The following TMEM106B variants were observed in gnomAD, a reference collection of about 807,000 sequenced individuals.
The protein encoded by TMEM106B is transmembrane protein 106B.
In TMEM106B, 15 loss-of-function variants were observed where a neutral mutation model predicts 31.1. The ratio of observed to expected loss-of-function variants is 0.48; its 90% confidence interval spans 0.32 to 0.74. The LOEUF is 0.74. Among genes scored for constraint, TMEM106B ranks in the 30% least tolerant of loss-of-function variants. TMEM106B has a pLI of 0.03. For synonymous variants in TMEM106B, 126 were observed against 112.5 expected (o/e 1.12, Z -0.76); for missense variants, 283 against 327.3 (o/e 0.86, Z 1.04).
intron 6 of TMEM106B, 40 bp downstream of exon 6, chr7:12,230,478 T>A: frequency 1.5e-6 from 2 of 1,305,810 alleles, no homozygotes; most frequent in Non-Finnish European, 2.2e-6. Context: ...TGTCAAATAA[T>A]GAAGTGTATA....
chr7:12,226,202 G>C (rs1781898252), intron 4 of TMEM106B, among the ~76,000 whole-genome samples: 4 of 152,112 alleles, frequency 2.6e-5, no homozygotes, highest in African/African-American at 9.7e-5. Context: ...TATTATTTCT[G>C]AGGGCTGTGT....
At position 12,226,942 on chromosome 7, in the gene TMEM106B, T is replaced by C. The variant is rs557375183; in HGVS notation, c.441+2557T>C. ...ACACTGTTTAAAACATTGGCCAGAC[T>C]TTTTTTGGCCTACCTCCAAAGACTT... On this transcript the variant is annotated intron_variant, in intron 4 of 7. Transcript: ENST00000396668. Among the ~76,000 whole-genome samples, 3 of 152,128 alleles carry C rather than the reference T, an allele frequency of 2.0e-5. No individual in the cohort carries two copies. In the East Asian group the frequency reaches 5.8e-4, roughly 29 times the overall value.
chr7:12,234,523 C>T lies in TMEM106B; in HGVS notation c.*2548C>T, dbSNP rs1782090905. ...CATTCAGGTGAAGCAGAAGTATAGC[C>T]ATAAAACATCTAGAAAGAGTGAATG... On this transcript the variant is annotated 3_prime_UTR_variant, in exon 8 of 8. Transcript: ENST00000396668. 1 of 151,802 alleles carries T rather than the reference C, an allele frequency of 6.6e-6. No individual in the cohort carries two copies. Among genetic ancestry groups the T allele is most frequent in the African/African-American group, 2.4e-5 (1 of 41,416 alleles). 9.4% of individuals were successfully genotyped at this position (151,802 alleles called of 1,614,324 possible). A position where few individuals can be genotyped will look rare whatever the true frequency, so the allele number is the denominator to read the frequency against.
intron 3 of TMEM106B, among the ~76,000 whole-genome samples, chr7:12,223,613 G>C (rs912164688): frequency 1.3e-5 from 2 of 151,972 alleles, no homozygotes; most frequent in Non-Finnish European, 2.9e-5. Context: ...ATGTGCGTTT[G>C]TATGAAGCTC....
In TMEM106B at chr7:12,213,409, G is replaced by A. The variant is rs563442098; in HGVS notation, c.-2-1400G>A. ...GAGTGGTGATTGTATTTATCACAAA[G>A]GTGCGTGAATTTTCAGAGGCTGAAA... On this transcript the variant is annotated intron_variant, in intron 1 of 7. Coordinates refer to ENST00000396668, the MANE Select transcript of TMEM106B (RefSeq NM_001134232.2). 1.7e-3 allele frequency among the ~76,000 whole-genome samples: 257 copies of A among 152,284 alleles called. 11 individuals are homozygous for A. In the South Asian group the frequency reaches 0.052, roughly 31 times the overall value.
chr7:12,238,577 A>G lies in TMEM106B; in HGVS notation c.*6602A>G, dbSNP rs1262293002. ...AGAGGAATCACTACCTATGACAGCT[A>G]TGGTCTTACAAAATGTATTTCTTAT... On this transcript the variant is annotated 3_prime_UTR_variant, in exon 8 of 8. Transcript: ENST00000396668. 2.6e-5 allele frequency: 4 copies of G among 152,212 alleles called. No homozygotes were observed. The highest frequency in any genetic ancestry group is 4.8e-5 in the African/African-American group (2 of 41,448). The allele number at this position is 152,212 out of a possible 1,614,324, so 9.4% of individuals were successfully genotyped here.
chr7:12,231,906 C>T lies in TMEM106B; in HGVS notation c.756C>T (p.Asp252=), dbSNP rs760912150. 1 of 1,612,548 alleles carries T rather than the reference C, an allele frequency of 6.2e-7. No individual in the cohort carries two copies. The highest frequency in any genetic ancestry group is 8.5e-7 in the Non-Finnish European group (1 of 1,178,962). The change falls in exon 8 of 8, where the codon GAC becomes GAT. Residue 252 remains aspartate (D), a synonymous_variant. Transcript: ENST00000396668. ...CCCAGGAGAGGTATCAGTATGTCGA[C>T]TGTGGAAGAAACACAACTTATCAGT... ...QISQERYQYV[D]CGRNTTYQLG...
intron 7 of TMEM106B, chr7:12,231,527 T>C (rs1430838661): frequency 7.8e-6 from 2 of 255,816 alleles, no homozygotes; most frequent in South Asian, 2.5e-4. Flanking sequence ...TTGATTAACC[T>C]TTTTTTCTAT....
At chr7:12,216,335 T>G (rs188947448) in intron 2 of TMEM106B, among the ~76,000 whole-genome samples, 344 of 151,246 alleles carry the variant, frequency 2.3e-3, no homozygotes, top group Admixed American at 3.8e-3. Context: ...TTTGGGGGGG[T>G]TTGTTTGAGC....
intron 3 of TMEM106B, among the ~76,000 whole-genome samples, chr7:12,223,032 C>CA (rs1457521097): frequency 4.0e-4 from 60 of 151,674 alleles, no homozygotes; most frequent in Non-Finnish European, 8.3e-4. Context: ...GACTCAAAAA[C>CA]AAAAAAAGGA....
intron 3 of TMEM106B, among the ~76,000 whole-genome samples, chr7:12,222,019 C>A (rs968118161): frequency 4.6e-5 from 7 of 152,126 alleles, no homozygotes; most frequent in African/African-American, 1.7e-4. Flanking sequence ...TATTTCTTTA[C>A]AAATTGAGTG....
intron 3 of TMEM106B, among the ~76,000 whole-genome samples, chr7:12,221,420 G>T (rs541021294): frequency 6.6e-6 from 1 of 152,204 alleles, no homozygotes; most frequent in Non-Finnish European, 1.5e-5. Flanking sequence ...ATGCCTTAGG[G>T]AGCAAGAGTT....
intron 4 of TMEM106B, among the ~76,000 whole-genome samples, chr7:12,226,993 G>T (rs956204114): frequency 2.6e-5 from 4 of 152,002 alleles, no homozygotes; most frequent in African/African-American, 9.6e-5. Flanking sequence ...ACATAAATAT[G>T]TACTAATAAA....
chr7:12,217,978 T>C (rs1303836717), intron 2 of TMEM106B, among the ~76,000 whole-genome samples: 1 of 152,118 alleles, frequency 6.6e-6, no homozygotes, highest in Non-Finnish European at 1.5e-5. Flanking sequence ...TAGGGGGCTC[T>C]TAAAGCTTGA....
Position 12,229,793 on chromosome 7 carries a change from A to G in TMEM106B, c.556A>G (p.Ile186Val). The G allele has an allele frequency of 3.1e-6, 5 of 1,607,484 alleles. No individual in the cohort carries two copies. Among genetic ancestry groups the G allele is most frequent in the Non-Finnish European group, 3.4e-6 (4 of 1,178,198 alleles). ...IGKARLNNIT[I>V]IGPLDMKQID... ...AAAGGCACGCTTAAACAACATAACCATTATTGGTCCACTTGATATGAAACA... is the reference window on the plus strand; with the variant it reads ...AAAGGCACGCTTAAACAACATAACCGTTATTGGTCCACTTGATATGAAACA... Residue 186 changes from isoleucine to valine, a missense_variant, in exon 5 of 8, where the codon ATT (isoleucine) becomes GTT (valine). By Grantham distance (29) the Ile-to-Val change is conservative. Coordinates refer to ENST00000396668, the MANE Select transcript of TMEM106B (RefSeq NM_001134232.2).
chr7:12,214,967 T>A lies in TMEM106B; in HGVS notation c.157T>A (p.Phe53Ile). The stretch of plus-strand genomic sequence containing the variant: ...TGTCTCTCAGTTTCCATATGTGGAA[T>A]TTACAGGAAGAGATAGTGTCACCTG... ...GDVSQFPYVEFTGRDSVTCPT... is the reference protein window; with the variant it reads ...GDVSQFPYVEITGRDSVTCPT... The change falls in exon 2 of 8, where the codon TTT (phenylalanine) becomes ATT (isoleucine). Residue 53 changes from phenylalanine (F) to isoleucine (I), a missense_variant. Around this residue, in one of 3 missense-constraint regions of TMEM106B, gnomAD observed 77 missense variants for 89.4 expected, o/e 0.86. Transcript: ENST00000396668. 6.2e-7 allele frequency: 1 copy of A among 1,614,054 alleles called. No individual in the cohort carries two copies. The highest frequency in any genetic ancestry group is 8.5e-7 in the Non-Finnish European group (1 of 1,179,976).
rs1251853851 is a variant in TMEM106B, at chr7:12,236,036, T to G, written c.*4061T>G. 6.6e-6 allele frequency: 1 copy of G among 151,856 alleles called. No individual in the cohort carries two copies. The highest frequency in any genetic ancestry group is 1.5e-5 in the Non-Finnish European group (1 of 67,824). 9.4% of individuals were successfully genotyped at this position (151,856 alleles called of 1,614,324 possible). A position where few individuals can be genotyped will look rare whatever the true frequency, so the allele number is the denominator to read the frequency against. ...ATTTTACATGTTTGAGATGGTGGAG[T>G]AAAAAGACTGTTAAACATTTCTTTT... On this transcript the variant is annotated 3_prime_UTR_variant, in exon 8 of 8. Transcript: ENST00000396668.
chr7:12,219,331 G>C (rs1781744695), intron 3 of TMEM106B, among the ~76,000 whole-genome samples: 1 of 152,158 alleles, frequency 6.6e-6, no homozygotes. Context: ...TATATCAACA[G>C]AGGATGGAGC....
Position 12,241,996 on chromosome 7 carries a change from C to T in TMEM106B, c.*10021C>T, listed in dbSNP as rs978742001. 4 of 151,930 alleles carry T rather than the reference C, an allele frequency of 2.6e-5. No individual in the cohort carries two copies. The highest frequency in any genetic ancestry group is 4.8e-5 in the African/African-American group (2 of 41,354). The allele number at this position is 151,930 out of a possible 1,614,324, so 9.4% of individuals were successfully genotyped here. On this transcript the variant is annotated 3_prime_UTR_variant, in exon 8 of 8. Transcript: ENST00000396668. ...TTTGATTTGCATTTCTGTAATGACC[C>T]GTGATGATGAGCTTTTTTTCATGTT...
Sources: gnomAD v4.1 joint callset for allele counts (sites outside exome capture counted in the v4.1 genomes callset) on GRCh38, gnomAD v4.1.1 for gene constraint, gnomAD v4.1.1 regional missense constraint, MANE v1.5 for transcripts, NCBI Gene and HGNC (gene_info 2026-07-23, HGNC 2026-07-21) for gene names.